SERAC1: variants seen among roughly 807,000 people sequenced by gnomAD.
SERAC1 encodes protein SERAC1.
SERAC1 carries 36 observed loss-of-function variants against 85.7 expected under a neutral mutation model. The ratio of observed to expected loss-of-function variants is 0.42; its 90% CI spans 0.32 to 0.55. SERAC1 has a LOEUF of 0.55. Among genes scored for constraint, SERAC1 ranks in the 20% least tolerant of loss-of-function variants. SERAC1 has a pLI of 0.11. For missense variants in SERAC1, 629 were observed against 796.2 expected, an observed-to-expected ratio of 0.79 and a Z score of 2.53; for synonymous variants, 242 against 265.3, an observed-to-expected ratio of 0.91 and a Z score of 0.85.
rs369225459 is a variant in SERAC1, at chr6:158,116,169, T to G, written c.1501+16A>C. On this transcript the variant is annotated intron_variant, in intron 14 of 16. Coordinates refer to ENST00000647468, the MANE Select transcript of SERAC1 (RefSeq NM_032861.4). ...ACATCACAATGGCCACTTCACAAAG[T>G]TGAAGCCACACTTACCTCCCATGCT... The G allele has an allele frequency of 6.4e-5, 102 of 1,605,746 alleles. 1 individual carries two copies. The South Asian group carries it at 1.1e-3, about 17-fold the overall frequency.
chr6:158,162,595 T>C (rs1785512043), intron 1 of SERAC1, among the ~76,000 whole-genome samples: 1 of 152,226 alleles, frequency 6.6e-6, no homozygotes, highest in Admixed American at 6.5e-5. Context: ...AGATGTATGC[T>C]AGATTTTTAA....
chr6:158,131,854 C>T (rs1784685471), intron 8 of SERAC1, among the ~76,000 whole-genome samples: 1 of 152,150 alleles, frequency 6.6e-6, no homozygotes, highest in Non-Finnish European at 1.5e-5. Flanking sequence ...TTAGTTAAAT[C>T]AATTATGGTA....
Position 158,109,759 on chromosome 6 carries a change from C to T in SERAC1, c.*1607G>A, listed in dbSNP as rs1201193675. ...AAATGAACAGAACCTAGATGTCCAT[C>T]AGCTGATGAATGGATAAAGAAACAT... On this transcript the variant is annotated 3_prime_UTR_variant, in exon 17 of 17. Coordinates refer to ENST00000647468, the MANE Select transcript of SERAC1 (RefSeq NM_032861.4). The T allele has an allele frequency of 1.3e-5, 2 of 152,200 alleles. No individual in the cohort carries two copies. The highest frequency in any genetic ancestry group is 2.9e-5 in the Non-Finnish European group (2 of 68,046). The allele number at this position is 152,200 out of a possible 1,614,324, so 9.4% of individuals were successfully genotyped here. A position where few individuals can be genotyped will look rare whatever the true frequency, so the allele number is the denominator to read the frequency against.
chr6:158,132,437 C>A (rs996895965), intron 8 of SERAC1, among the ~76,000 whole-genome samples: 2 of 152,164 alleles, frequency 1.3e-5, no homozygotes, highest in African/African-American at 4.8e-5. Context: ...TCGTCCTTCT[C>A]TGGCAGAGAC....
chr6:158,141,821 C>G (rs1784922310), intron 8 of SERAC1, among the ~76,000 whole-genome samples: 1 of 152,282 alleles, frequency 6.6e-6, no homozygotes, highest in Non-Finnish European at 1.5e-5. Context: ...AAAGAAAAAC[C>G]ATTATAATTC....
chr6:158,130,377 G>A lies in SERAC1; in HGVS notation c.848C>T (p.Ser283Phe). The part of the protein sequence containing the change: ...MFCLEAIVKH[S>F]EISTHCDKIE... ...CATTTTGAAAATGTAAATTACCTCAGAATGTTTTACTATAGCTTCTAAACA... is the reference window on the plus strand; with the variant it reads ...CATTTTGAAAATGTAAATTACCTCAAAATGTTTTACTATAGCTTCTAAACA... Residue 283 changes from serine (S) to phenylalanine (F), a missense_variant, in exon 9 of 17, where the codon TCT becomes TTT. By Grantham distance (155) the Ser-to-Phe change is radical (BLOSUM62 -2). Coordinates refer to ENST00000647468, the MANE Select transcript of SERAC1 (RefSeq NM_032861.4). The A allele has an allele frequency of 6.7e-7, 1 of 1,502,702 alleles. No individual in the cohort carries two copies. The highest frequency in any genetic ancestry group is 8.9e-7 in the Non-Finnish European group (1 of 1,117,378). The allele number at this position is 1,502,702 out of a possible 1,614,324, so 93.1% of individuals were successfully genotyped here. A position where few individuals can be genotyped will look rare whatever the true frequency, so the allele number is the denominator to read the frequency against.
chr6:158,163,984 C>T (rs1182766350), intron 1 of SERAC1, among the ~76,000 whole-genome samples: 1 of 151,862 alleles, frequency 6.6e-6, no homozygotes, highest in African/African-American at 2.4e-5. Context: ...ATCCACCCGC[C>T]TCGGCTTCCC....
In SERAC1 at chr6:158,146,856, C is replaced by T. The variant is rs863224200; in HGVS notation, c.413G>A (p.Arg138Gln). Residue 138 changes from arginine (R) to glutamine (Q), a missense_variant, in exon 6 of 17, where the codon CGG becomes CAG. Transcript: ENST00000647468. ...GGTTTTGTCATCTGACTTGCTCTTCCGTAGGAGCAGCCACACAGCACACTC... is the reference window on the plus strand; with the variant it reads ...GGTTTTGTCATCTGACTTGCTCTTCTGTAGGAGCAGCCACACAGCACACTC... ...DHECAVWLLL[R>Q]KSKSDDKTTR... 1.4e-5 allele frequency: 22 copies of T among 1,613,790 alleles called. No homozygotes were observed. In the Admixed American group the frequency reaches 1.5e-4, roughly 11 times the overall value.
At chr6:158,124,782 CACACACA>C (rs1562438823) in intron 10 of SERAC1, among the ~76,000 whole-genome samples, 1 of 129,772 alleles carries the variant, frequency 7.7e-6, no homozygotes, top group African/African-American at 3.3e-5. Context: ...CACACACACA[CACACACA>C]TACACACTCA....
intron 1 of SERAC1, among the ~76,000 whole-genome samples, chr6:158,160,589 T>C (rs902406437): frequency 6.6e-6 from 1 of 152,254 alleles, no homozygotes; most frequent in African/African-American, 2.4e-5. Flanking sequence ...TGGTATCATT[T>C]ATAATTTCAA....
At chr6:158,167,701 T>C (rs566152016) in intron 1 of SERAC1, among the ~76,000 whole-genome samples, 12 of 152,292 alleles carry the variant, frequency 7.9e-5, no homozygotes, top group Non-Finnish European at 1.3e-4. Context: ...TAGAACCTTC[T>C]GGGGTCTTTC....
At position 158,120,628 on chromosome 6, in the gene SERAC1, CAGAG is replaced by C; in HGVS notation, c.1016-57_1016-54del. 3 of 1,571,128 alleles carry C rather than the reference CAGAG, an allele frequency of 1.9e-6. No homozygotes were observed. The highest frequency in any genetic ancestry group is 2.3e-5 in the East Asian group (1 of 44,128). On this transcript the variant is annotated intron_variant, in intron 10 of 16. Transcript: ENST00000647468. This position sits in a 1 kb window ranked among gnomAD's most constrained non-coding sequence, Gnocchi z 4.4. Reference sequence around the variant, plus strand: ...ACTGATGTGAATCCATCGCAGACCACAGAGAGAGTGAGGTTTCAAACTGAATATG... The same window carrying C: ...ACTGATGTGAATCCATCGCAGACCACAGAGTGAGGTTTCAAACTGAATATG...
intron 1 of SERAC1, 122 bp downstream of exon 1, chr6:158,168,018 G>A (rs1475819760): frequency 2.0e-5 from 3 of 151,974 alleles, no homozygotes; most frequent in African/African-American, 4.8e-5. Context: ...TCCGGTCCGC[G>A]CGCCAGACGG....
chr6:158,158,145 A>C, intron 2 of SERAC1, 128 bp downstream of exon 2: 1 of 628,406 alleles, frequency 1.6e-6, no homozygotes, highest in Non-Finnish European at 2.8e-6. Context: ...AACTATTAGT[A>C]CAGAAAGACA....
rs1784124615 is a variant in SERAC1, at chr6:158,110,725, GA to G, written c.*640del. ...TTCCAAGCATAGGCAGCTACAGTCT[GA>G]AAAGAATTATTATAAGCTAGAATTT... On this transcript the variant is annotated 3_prime_UTR_variant, in exon 17 of 17. Coordinates refer to ENST00000647468, the MANE Select transcript of SERAC1 (RefSeq NM_032861.4). 1 of 152,156 alleles carries G rather than the reference GA, an allele frequency of 6.6e-6. No individual in the cohort carries two copies. The highest frequency in any genetic ancestry group is 1.5e-5 in the Non-Finnish European group (1 of 68,034). The allele number at this position is 152,156 out of a possible 1,614,324, so 9.4% of individuals were successfully genotyped here. A position where few individuals can be genotyped will look rare whatever the true frequency, so the allele number is the denominator to read the frequency against.
In SERAC1 at chr6:158,111,361, A is replaced by T; in HGVS notation, c.*5T>A. 1 of 1,579,306 alleles carries T rather than the reference A, an allele frequency of 6.3e-7. No homozygotes were observed. The highest frequency in any genetic ancestry group is 8.6e-7 in the Non-Finnish European group (1 of 1,168,518). On this transcript the variant is annotated 3_prime_UTR_variant, in exon 17 of 17. Coordinates refer to ENST00000647468, the MANE Select transcript of SERAC1 (RefSeq NM_032861.4). ...TCACATATGAAAACTGGAAGAGCAC[A>T]ACTGTTAGTTTTCAAGGTCTTTGGC...
At position 158,111,292 on chromosome 6, in the gene SERAC1, G is replaced by C. The variant is rs980548491; in HGVS notation, c.*74C>G. The C allele has an allele frequency of 7.4e-7, 1 of 1,347,186 alleles. No individual in the cohort carries two copies. Among genetic ancestry groups the C allele is most frequent in the African/African-American group, 1.5e-5 (1 of 68,392 alleles). The allele number at this position is 1,347,186 out of a possible 1,614,324, so 83.5% of individuals were successfully genotyped here. ...ATCACTATGTTTGCATGATTGCATA[G>C]AGCTTAAAAGAAGAAACAGAACACC... On this transcript the variant is annotated 3_prime_UTR_variant, in exon 17 of 17. Transcript: ENST00000647468.
At chr6:158,134,025 C>T (rs954170939) in intron 8 of SERAC1, among the ~76,000 whole-genome samples, 11 of 152,150 alleles carry the variant, frequency 7.2e-5, no homozygotes, top group Non-Finnish European at 1.5e-4. Flanking sequence ...TCTGAAAATA[C>T]GGTTATATTC....
rs1271748305 is a variant in SERAC1, at chr6:158,131,266, T to C, written c.739-780A>G. Among the ~76,000 whole-genome samples the C allele has an allele frequency of 2.7e-5, 4 of 148,444 alleles. No individual in the cohort carries two copies. The East Asian group carries it at 5.8e-4, about 22-fold the overall frequency. Reference sequence around the variant, plus strand: ...AAAGTTGTTAGGAAAATAAATACAATGCCTCTAAAATATATAAGAATATAT... The same window carrying C: ...AAAGTTGTTAGGAAAATAAATACAACGCCTCTAAAATATATAAGAATATAT... On this transcript the variant is annotated intron_variant, in intron 8 of 16. Coordinates refer to ENST00000647468, the MANE Select transcript of SERAC1 (RefSeq NM_032861.4).
Sources: allele counts gnomAD v4.1 joint callset (sites outside exome capture counted in the v4.1 genomes callset), GRCh38; gene constraint gnomAD v4.1.1; non-coding constraint Gnocchi (gnomAD v3.1); transcripts MANE v1.5; gene names NCBI Gene and HGNC (gene_info 2026-07-23, HGNC 2026-07-21).